ATP9B: variants seen among roughly 807,000 people sequenced by gnomAD.
ATP9B encodes probable phospholipid-transporting ATPase IIB.
In ATP9B, 110 loss-of-function variants were observed where a neutral mutation model predicts 146.1. The observed-to-expected ratio is 0.75, with a 90% CI of 0.65 to 0.88. The LOEUF (loss-of-function observed/expected upper bound fraction) is 0.88. ATP9B is among the 40% of genes least tolerant of loss of function. The pLI is 0.00. For synonymous variants in ATP9B, 604 were observed against 569.7 expected (o/e 1.06, Z -0.86); for missense variants, 1,499 against 1,496.4 (o/e 1.00, Z -0.03).
chr18:79,069,466 A>G lies in ATP9B; in HGVS notation c.56A>G (p.Asn19Ser), dbSNP rs2071430831. 1.3e-6 allele frequency: 2 copies of G among 1,507,160 alleles called. No individual in the cohort carries two copies. The highest frequency in any genetic ancestry group is 1.8e-6 in the Non-Finnish European group (2 of 1,130,824). The allele number at this position is 1,507,160 out of a possible 1,614,324, so 93.4% of individuals were successfully genotyped here. The change falls in exon 1 of 30, where the codon AAC becomes AGC. Residue 19 changes from asparagine to serine, a missense_variant. Coordinates refer to ENST00000426216, the MANE Select transcript of ATP9B (RefSeq NM_198531.5). ...CGTAGCGCAGCGGCGGCCGCAGCCA[A>G]CCGCAAACGCGCGGCCTACTACAGC... ...PVRSAAAAAA[N>S]RKRAAYYSAA...
At chr18:79,201,505 G>A (rs998493730) in intron 9 of ATP9B, among the ~76,000 whole-genome samples, 15 of 152,244 alleles carry the variant, frequency 9.9e-5, no homozygotes, top group Admixed American at 5.2e-4. Context: ...CTAGCACTTT[G>A]GGAGGCTGAG....
intron 15 of ATP9B, among the ~76,000 whole-genome samples, chr18:79,317,910 G>A (rs907791400): frequency 7.2e-5 from 11 of 152,214 alleles, no homozygotes; most frequent in African/African-American, 2.7e-4. Flanking sequence ...CTCAAAGCCA[G>A]CAAACAAACA....
intron 1 of ATP9B, among the ~76,000 whole-genome samples, chr18:79,072,659 G>C (rs572633401): frequency 6.6e-6 from 1 of 151,720 alleles, no homozygotes; most frequent in East Asian, 2.0e-4. Flanking sequence ...TCAGTGAGCT[G>C]TTGGGTACCC....
intron 2 of ATP9B, among the ~76,000 whole-genome samples, chr18:79,097,463 CT>C (rs1025070131): frequency 3.2e-4 from 47 of 148,968 alleles, no homozygotes; most frequent in Admixed American, 1.6e-3. Context: ...TAGGTATTTT[CT>C]TTTTTTTTAA....
intron 9 of ATP9B, among the ~76,000 whole-genome samples, chr18:79,203,234 A>T (rs1484124406): frequency 6.6e-6 from 1 of 151,086 alleles, no homozygotes; most frequent in East Asian, 2.0e-4. Flanking sequence ...GTGGAGGAGC[A>T]GGTACCTGAT....
chr18:79,105,479 A>G (rs2075592340), intron 2 of ATP9B, among the ~76,000 whole-genome samples: 1 of 152,222 alleles, frequency 6.6e-6, no homozygotes. Flanking sequence ...CTGAGCGAGT[A>G]GGCTTTAATT....
intron 2 of ATP9B, among the ~76,000 whole-genome samples, 193 bp from the exon 3 acceptor site, chr18:79,110,162 T>C (rs116895595): frequency 0.032 from 4,817 of 152,318 alleles, 115 homozygotes; most frequent in Non-Finnish European, 0.042. Context: ...TATAAGACTT[T>C]GTATTTTATG....
At chr18:79,172,578 C>G (rs982500738) in intron 7 of ATP9B, among the ~76,000 whole-genome samples, 1 of 137,978 alleles carries the variant, frequency 7.2e-6, no homozygotes, top group African/African-American at 2.7e-5. Flanking sequence ...AGCCACCGTG[C>G]GCCGACCTTG....
intron 1 of ATP9B, among the ~76,000 whole-genome samples, chr18:79,078,813 C>T (rs2072921580): frequency 6.6e-6 from 1 of 152,092 alleles, no homozygotes. Context: ...CTTCACCTAG[C>T]CCCCCACACC....
chr18:79,326,627 C>T (rs532816445), intron 15 of ATP9B, among the ~76,000 whole-genome samples: 3 of 152,294 alleles, frequency 2.0e-5, no homozygotes, highest in South Asian at 2.1e-4. Context: ...CTGCACACTC[C>T]GTCCCCACAC....
At position 79,277,126 on chromosome 18, in the gene ATP9B, C is replaced by G; in HGVS notation, c.1341C>G (p.Gly447=). 6.2e-7 allele frequency: 1 copy of G among 1,614,204 alleles called. No homozygotes were observed. Among genetic ancestry groups the G allele is most frequent in the South Asian group, 1.1e-5 (1 of 91,084 alleles). ...TGATGAAAGATGAGAACATCCCTGG[C>G]ACGGTCGTTCGGACCAGCACTATCC... The part of the protein sequence containing the change: ...WMMMKDENIP[G]TVVRTSTIPE... Residue 447 remains glycine (G), a synonymous_variant, in exon 13 of 30, where the codon GGC becomes GGG. Transcript: ENST00000426216.
chr18:79,189,929 C>T lies in ATP9B; in HGVS notation c.874-3254C>T, dbSNP rs182342947. Among the ~76,000 whole-genome samples, 289 of 152,336 alleles carry T rather than the reference C, an allele frequency of 1.9e-3. 2 individuals are homozygous for T. The highest frequency in any genetic ancestry group is 7.0e-3 in the African/African-American group (289 of 41,564). On this transcript the variant is annotated intron_variant, in intron 8 of 29. Coordinates refer to ENST00000426216, the MANE Select transcript of ATP9B (RefSeq NM_198531.5). ...AAACACGATGGAAAACATGTGAGCA[C>T]CATGAGCGAGCACTCGGAACTGTGA...
chr18:79,139,062 A>G (rs2094482313), intron 5 of ATP9B, among the ~76,000 whole-genome samples: 1 of 152,304 alleles, frequency 6.6e-6, no homozygotes, highest in African/African-American at 2.4e-5. Flanking sequence ...AAAATAATTT[A>G]AAAAGTTACT....
In ATP9B at chr18:79,337,424, A is replaced by G; in HGVS notation, c.2258A>G (p.Glu753Gly). The change falls in exon 19 of 30, where the codon GAG (glutamate) becomes GGG (glycine). Residue 753 changes from glutamate (E) to glycine (G), a missense_variant. Glu to Gly is a moderately conservative substitution (Grantham distance 98). Transcript: ENST00000426216. The stretch of plus-strand genomic sequence containing the variant: ...CAGGCAGACGTGCGGCCCACGCTGG[A>G]GATGCTGCGCAACGCCGGGATCAAG... The part of the protein sequence containing the change: ...QLQADVRPTL[E>G]MLRNAGIKIW... 6.2e-7 allele frequency: 1 copy of G among 1,612,652 alleles called. No homozygotes were observed. Among genetic ancestry groups the G allele is most frequent in the Non-Finnish European group, 8.5e-7 (1 of 1,179,914 alleles).
intron 15 of ATP9B, among the ~76,000 whole-genome samples, chr18:79,308,353 T>A (rs11662839): frequency 0.43 from 65,131 of 151,960 alleles, 14,277 homozygotes; most frequent in East Asian, 0.7. Flanking sequence ...TATGTTAATG[T>A]TCACAGCAGT....
At chr18:79,124,812 G>T (rs747314200) in intron 4 of ATP9B, among the ~76,000 whole-genome samples, 1 of 152,202 alleles carries the variant, frequency 6.6e-6, no homozygotes, top group Non-Finnish European at 1.5e-5. Context: ...GGAGAGATGT[G>T]TGGAAGGAAG....
chr18:79,141,253 G>A (rs981381137), intron 5 of ATP9B, among the ~76,000 whole-genome samples: 6 of 152,098 alleles, frequency 3.9e-5, no homozygotes, highest in Non-Finnish European at 7.4e-5. Flanking sequence ...TGTGAAGAAG[G>A]ACGTGTTTGC....
intron 15 of ATP9B, among the ~76,000 whole-genome samples, chr18:79,320,814 ACG>A (rs1343344956): frequency 3.0e-5 from 3 of 99,848 alleles, no homozygotes; most frequent in East Asian, 8.0e-4. Flanking sequence ...TGTGGGTTTT[ACG>A]TTGGGAGGGA....
chr18:79,194,020 G>T lies in ATP9B; in HGVS notation c.954+757G>T, dbSNP rs191651551. On this transcript the variant is annotated intron_variant, in intron 9 of 29. Transcript: ENST00000426216. Reference sequence around the variant, plus strand: ...AATGTGAAGCACGGGCACCTGTGAGGTCGTTAAAGTCCCTTGGGGCACTGG... The same window carrying T: ...AATGTGAAGCACGGGCACCTGTGAGTTCGTTAAAGTCCCTTGGGGCACTGG... Among the ~76,000 whole-genome samples the T allele has an allele frequency of 2.5e-4, 38 of 152,312 alleles. No homozygotes were observed. In the East Asian group the frequency reaches 7.3e-3, roughly 29 times the overall value.
Sources: gnomAD v4.1 joint callset for allele counts (sites outside exome capture counted in the v4.1 genomes callset) on GRCh38, gnomAD v4.1.1 for gene constraint, MANE v1.5 for transcripts, NCBI Gene and HGNC (gene_info 2026-07-23, HGNC 2026-07-21) for gene names.